Variants in HS3ST1 observed in about 807,000 individuals in gnomAD.
HS3ST1 encodes the protein heparan sulfate glucosamine 3-O-sulfotransferase 1.
HS3ST1 carries 8 observed loss-of-function variants against 20.7 expected under a neutral mutation model. That is an observed-to-expected ratio of 0.39 (90% CI 0.23 to 0.70). The LOEUF (loss-of-function observed/expected upper bound fraction) is 0.70, where lower values mean the gene tolerates loss of function less well. HS3ST1 is among the 30% of genes least tolerant of loss of function. The pLI is 0.46. For missense variants in HS3ST1, 436 were observed against 423.4 expected, an observed-to-expected ratio of 1.03 and a Z score of -0.26; for synonymous variants, 205 against 190.4, an observed-to-expected ratio of 1.08 and a Z score of -0.63.
At chr4:11,403,754 C>T (rs893546461) in intron 1 of HS3ST1, among the ~76,000 whole-genome samples, 11 of 152,148 alleles carry the variant, frequency 7.2e-5, no homozygotes, top group Non-Finnish European at 1.3e-4. Flanking sequence ...TTGTTCTGTT[C>T]AGTAGAAGGG....
At chr4:11,424,391 C>T (rs551951191) in intron 1 of HS3ST1, among the ~76,000 whole-genome samples, 8 of 152,238 alleles carry the variant, frequency 5.3e-5, no homozygotes, top group Admixed American at 2.6e-4. Flanking sequence ...ATTATTCTAA[C>T]GATCTGAAAA....
chr4:11,422,156 A>G (rs1324562709), intron 1 of HS3ST1, among the ~76,000 whole-genome samples: 1 of 152,214 alleles, frequency 6.6e-6, no homozygotes. Context: ...TAGACAAATG[A>G]GTTTTCAACA....
At chr4:11,424,698 C>T (rs1216485935) in intron 1 of HS3ST1, among the ~76,000 whole-genome samples, 1 of 152,132 alleles carries the variant, frequency 6.6e-6, no homozygotes, top group African/African-American at 2.4e-5. Flanking sequence ...ATACTGCTGC[C>T]AACGCCACTT....
intron 1 of HS3ST1, among the ~76,000 whole-genome samples, chr4:11,410,385 A>G (rs534605122): frequency 6.6e-6 from 1 of 152,170 alleles, no homozygotes; most frequent in African/African-American, 2.4e-5. Flanking sequence ...TTCGAACACA[A>G]TCTTGGAGAA....
intron 1 of HS3ST1, among the ~76,000 whole-genome samples, chr4:11,412,344 C>G (rs1359754423): frequency 1.3e-5 from 2 of 152,114 alleles, no homozygotes; most frequent in Non-Finnish European, 2.9e-5. Context: ...TAAGATCAAT[C>G]TAAAACATGA....
At chr4:11,419,819 A>G (rs146096680) in intron 1 of HS3ST1, among the ~76,000 whole-genome samples, 54 of 152,318 alleles carry the variant, frequency 3.5e-4, no homozygotes, top group Non-Finnish European at 6.0e-4. Context: ...TTCCCTCATC[A>G]TTAATGGCAT....
chr4:11,401,421 C>A (rs140388092), intron 1 of HS3ST1, among the ~76,000 whole-genome samples: 1 of 151,498 alleles, frequency 6.6e-6, no homozygotes, highest in African/African-American at 2.4e-5. Context: ...CTCAGCTCAC[C>A]GCAACCTCCG....
chr4:11,420,555 G>A (rs534387220), intron 1 of HS3ST1, among the ~76,000 whole-genome samples: 67 of 152,214 alleles, frequency 4.4e-4, no homozygotes, highest in Non-Finnish European at 7.3e-4. Context: ...TTGGAGCAAT[G>A]TTAGTATTTA....
upstream of HS3ST1, among the ~76,000 whole-genome samples, chr4:11,433,392 C>T (rs911865943): frequency 1.3e-5 from 2 of 152,134 alleles, no homozygotes; most frequent in African/African-American, 4.8e-5. Context: ...CAACTATAGA[C>T]AAATAGAATA....
At chr4:11,426,451 C>T (rs1169671389) in intron 1 of HS3ST1, among the ~76,000 whole-genome samples, 5 of 148,348 alleles carry the variant, frequency 3.4e-5, no homozygotes, top group Non-Finnish European at 6.0e-5. Context: ...TTAGGGGGAC[C>T]CAGGGGGGGG....
intron 1 of HS3ST1, among the ~76,000 whole-genome samples, chr4:11,405,395 T>G (rs894628312): frequency 1.3e-5 from 2 of 152,046 alleles, no homozygotes; most frequent in African/African-American, 2.4e-5. Flanking sequence ...CCAAGGGAGA[T>G]TCCACAGAAT....
intron 1 of HS3ST1, among the ~76,000 whole-genome samples, chr4:11,417,194 T>C (rs956902479): frequency 1.3e-5 from 2 of 152,208 alleles, no homozygotes; most frequent in East Asian, 1.9e-4. Context: ...CCACTATGTG[T>C]ATTAAACATT....
At chr4:11,410,989 G>A (rs563906483) in intron 1 of HS3ST1, among the ~76,000 whole-genome samples, 3 of 152,282 alleles carry the variant, frequency 2.0e-5, no homozygotes, top group African/African-American at 7.2e-5. Context: ...TCTCAGCAGT[G>A]TCACTTCACT....
chr4:11,406,188 A>C (rs1560232893), intron 1 of HS3ST1, among the ~76,000 whole-genome samples: 1 of 152,220 alleles, frequency 6.6e-6, no homozygotes, highest in Non-Finnish European at 1.5e-5. Context: ...CTTGGGTATA[A>C]ATTATTTCTT....
At chr4:11,420,499 G>A (rs565308588) in intron 1 of HS3ST1, among the ~76,000 whole-genome samples, 3 of 152,322 alleles carry the variant, frequency 2.0e-5, no homozygotes, top group Non-Finnish European at 2.9e-5. Flanking sequence ...TCAGTGGAAC[G>A]CTGTGTGACG....
intron 1 of HS3ST1, among the ~76,000 whole-genome samples, chr4:11,405,404 A>G (rs1197943672): frequency 1.3e-5 from 2 of 152,166 alleles, no homozygotes; most frequent in Non-Finnish European, 2.9e-5. Context: ...ATTCCACAGA[A>G]TCTTCCAGAT....
chr4:11,399,921 C>G lies in HS3ST1; in HGVS notation c.85G>C (p.Glu29Gln), dbSNP rs1479169293. The G allele has an allele frequency of 6.2e-7, 1 of 1,601,244 alleles. No homozygotes were observed. The highest frequency in any genetic ancestry group is 1.7e-5 in the Admixed American group (1 of 58,780). The change falls in exon 2 of 2, where the codon GAG becomes CAG. Residue 29 changes from glutamate (E) to glutamine (Q), a missense_variant. Glu to Gln is a conservative substitution (Grantham distance 29). Transcript: ENST00000002596. The surrounding 1 kb of genome is among the most constrained non-coding windows in gnomAD (Gnocchi z 5.1). ...PSRPAELGQQ[E>Q]LLRKAGTLQD... ...AGGGTCCCCGCTTTCCGCAGAAGCTCCTGCTGGCCTAGCTCGGCGGGGCGG... is the reference window on the plus strand; with the variant it reads ...AGGGTCCCCGCTTTCCGCAGAAGCTGCTGCTGGCCTAGCTCGGCGGGGCGG...
At chr4:11,403,240 A>G (rs1718376950) in intron 1 of HS3ST1, among the ~76,000 whole-genome samples, 1 of 152,210 alleles carries the variant, frequency 6.6e-6, no homozygotes, top group African/African-American at 2.4e-5. Flanking sequence ...TAAATATAGT[A>G]TAACCTGTTT....
intron 1 of HS3ST1, among the ~76,000 whole-genome samples, chr4:11,409,779 G>A (rs947154899): frequency 6.6e-6 from 1 of 152,206 alleles, no homozygotes; most frequent in Non-Finnish European, 1.5e-5. Context: ...ATTTCCAGGG[G>A]CAGCACTCAG....
Sources: gnomAD v4.1 joint callset for allele counts (sites outside exome capture counted in the v4.1 genomes callset) on GRCh38, gnomAD v4.1.1 for gene constraint, Gnocchi (gnomAD v3.1) non-coding constraint, MANE v1.5 for transcripts, NCBI Gene and HGNC (gene_info 2026-07-23, HGNC 2026-07-21) for gene names.